The following EML6 variants were observed in gnomAD, a reference collection of about 807,000 sequenced individuals.
The protein encoded by EML6 is echinoderm microtubule-associated protein-like 6.
Under a neutral mutation model 240.1 loss-of-function variants are expected in EML6, and 154 were observed. That is an observed-to-expected ratio of 0.64 (90% CI 0.56 to 0.73). The LOEUF is 0.73. EML6 is among the 30% of genes least tolerant of loss of function. The pLI is 0.00. For missense variants in EML6, 2,964 were observed against 2,474.6 expected, an observed-to-expected ratio of 1.20 and a Z score of -4.20; for synonymous variants, 1,148 against 899.0, an observed-to-expected ratio of 1.28 and a Z score of -4.95.
chr2:54,865,301 T>A (rs1411645815), intron 13 of EML6, among the ~76,000 whole-genome samples: 7 of 132,198 alleles, frequency 5.3e-5, no homozygotes, highest in African/African-American at 2.0e-4. Flanking sequence ...CCAGCCTAGT[T>A]AACACAGTCT....
chr2:54,956,367 C>A (rs1288601800), intron 32 of EML6, among the ~76,000 whole-genome samples: 1 of 151,754 alleles, frequency 6.6e-6, no homozygotes, highest in Non-Finnish European at 1.5e-5. Context: ...TTGTAATCTA[C>A]CTGTTCAAAT....
At chr2:54,963,908 TG>T in intron 36 of EML6, 77 bp from the exon 37 acceptor site, 1 of 1,389,560 alleles carries the variant, frequency 7.2e-7, no homozygotes, top group African/African-American at 1.5e-5. Context: ...CTGACTTCTC[TG>T]GCCTGGTGCA....
At chr2:54,769,489 A>G (rs1424585501) in intron 2 of EML6, among the ~76,000 whole-genome samples, 2 of 152,220 alleles carry the variant, frequency 1.3e-5, no homozygotes, top group Non-Finnish European at 2.9e-5. Flanking sequence ...CTACTGAAGC[A>G]TATACATTTA....
rs185568655 is a variant in EML6, at chr2:54,843,616, G to T, written c.848-431G>T. 4.0e-3 allele frequency among the ~76,000 whole-genome samples: 601 copies of T among 152,042 alleles called. 6 individuals are homozygous for T. The highest frequency in any genetic ancestry group is 0.014 in the African/African-American group (565 of 41,454). ...ACCCAGCACTTTGGGAGTCCGAGGC[G>T]GGCGGATCACGAGGTCAGGAGATCG... On this transcript the variant is annotated intron_variant, in intron 7 of 41. Coordinates refer to ENST00000356458, the MANE Select transcript of EML6 (RefSeq NM_001039753.4).
chr2:54,803,000 G>C (rs1019361706), intron 2 of EML6, among the ~76,000 whole-genome samples: 2 of 152,008 alleles, frequency 1.3e-5, no homozygotes, highest in African/African-American at 4.8e-5. Context: ...TTGGGAGACT[G>C]GGGTGAAACA....
chr2:54,929,113 A>G (rs1361513920), intron 28 of EML6, among the ~76,000 whole-genome samples: 1 of 152,236 alleles, frequency 6.6e-6, no homozygotes, highest in Non-Finnish European at 1.5e-5. Flanking sequence ...GAGGGAGGAC[A>G]GGATTCTGAG....
intron 9 of EML6, among the ~76,000 whole-genome samples, chr2:54,849,216 C>G (rs1275248071): frequency 2.6e-5 from 4 of 152,124 alleles, no homozygotes; most frequent in African/African-American, 9.7e-5. Context: ...TCGTGAAGAT[C>G]AAATCAGTGT....
At chr2:54,968,048 T>C in intron 39 of EML6, 80 bp from the exon 40 acceptor site, 2 of 1,363,562 alleles carry the variant, frequency 1.5e-6, no homozygotes, top group South Asian at 2.6e-5. Context: ...CTCTTCCTTA[T>C]CCCTGGGAGG....
intron 36 of EML6, 118 bp from the exon 37 acceptor site, chr2:54,963,868 T>C (rs1288852678): frequency 7.3e-6 from 6 of 826,490 alleles, no homozygotes; most frequent in Non-Finnish European, 7.4e-6. Context: ...AGCAAGAGAT[T>C]TGGTGGCCTG....
At chr2:54,755,510 T>C (rs984690330) in intron 2 of EML6, among the ~76,000 whole-genome samples, 3 of 152,218 alleles carry the variant, frequency 2.0e-5, no homozygotes, top group African/African-American at 4.8e-5. Flanking sequence ...CCCTCTACTT[T>C]GTTCTCTTAG....
chr2:54,944,818 G>C (rs1026644883), intron 28 of EML6, among the ~76,000 whole-genome samples: 1 of 152,008 alleles, frequency 6.6e-6, no homozygotes, highest in Admixed American at 6.5e-5. Flanking sequence ...ACAGAGTCCA[G>C]TTCTTAGGAA....
intron 36 of EML6, 110 bp from the exon 37 acceptor site, chr2:54,963,876 C>A: frequency 1.1e-6 from 1 of 919,384 alleles, no homozygotes; most frequent in South Asian, 1.8e-5. Flanking sequence ...ATTTGGTGGC[C>A]TGCAGTGGCT....
chr2:54,793,005 C>G (rs1481577728), intron 2 of EML6, among the ~76,000 whole-genome samples: 2 of 152,150 alleles, frequency 1.3e-5, no homozygotes, highest in African/African-American at 4.8e-5. Context: ...GAGTGGCTCT[C>G]AACTATAATC....
At chr2:54,905,797 A>C (rs910005018) in intron 24 of EML6, among the ~76,000 whole-genome samples, 1 of 152,236 alleles carries the variant, frequency 6.6e-6, no homozygotes, top group Non-Finnish European at 1.5e-5. Flanking sequence ...TTGTCTTTCT[A>C]TAATGGGCTT....
At chr2:54,811,651 G>T (rs1258183698) in intron 2 of EML6, among the ~76,000 whole-genome samples, 1 of 152,228 alleles carries the variant, frequency 6.6e-6, no homozygotes, top group Non-Finnish European at 1.5e-5. Context: ...TGTTGAATAA[G>T]TGAATGAGCT....
At chr2:54,802,759 C>G (rs1056423416) in intron 2 of EML6, among the ~76,000 whole-genome samples, 9 of 152,122 alleles carry the variant, frequency 5.9e-5, no homozygotes, top group Non-Finnish European at 1.3e-4. Flanking sequence ...TGAGTGCCCA[C>G]TGTGTCTCAC....
intron 32 of EML6, among the ~76,000 whole-genome samples, chr2:54,957,481 G>A (rs1054949294): frequency 1.3e-5 from 2 of 151,932 alleles, no homozygotes; most frequent in Admixed American, 6.6e-5. Context: ...GGGGGATGGG[G>A]GATATCTTTA....
At position 54,746,868 on chromosome 2, in the gene EML6, G is replaced by A. The variant is rs547253912; in HGVS notation, c.197+21610G>A. Among the ~76,000 whole-genome samples the A allele has an allele frequency of 3.9e-5, 6 of 152,292 alleles. No individual in the cohort carries two copies. In the East Asian group the frequency reaches 1.2e-3, roughly 29 times the overall value. The stretch of plus-strand genomic sequence containing the variant: ...AATGGAAATGTTAGAGCAGTACTGT[G>A]CCACGAGTGATCAGTGATTGGCCAT... On this transcript the variant is annotated intron_variant, in intron 2 of 41. Coordinates refer to ENST00000356458, the MANE Select transcript of EML6 (RefSeq NM_001039753.4).
intron 23 of EML6, 30 bp downstream of exon 23, chr2:54,903,226 T>C: frequency 6.5e-7 from 1 of 1,546,004 alleles, no homozygotes; most frequent in Non-Finnish European, 8.8e-7. Context: ...CTTTTTAAAA[T>C]AGCACAGTCT....
Sources: allele counts gnomAD v4.1 joint callset (sites outside exome capture counted in the v4.1 genomes callset), GRCh38; gene constraint gnomAD v4.1.1; transcripts MANE v1.5; gene names NCBI Gene and HGNC (gene_info 2026-07-23, HGNC 2026-07-21).